XKR6: variants seen among roughly 807,000 people sequenced by gnomAD.
XKR6 encodes XK-related protein 6.
Under a neutral mutation model 56.7 loss-of-function variants are expected in XKR6, and 22 were observed. The observed-to-expected ratio is 0.39, with a 90% CI of 0.28 to 0.55. The LOEUF (loss-of-function observed/expected upper bound fraction) is 0.55, where lower values mean the gene tolerates loss of function less well. XKR6 is among the 20% of genes least tolerant of loss of function. XKR6 has a pLI of 0.66. For synonymous variants in XKR6, 524 were observed against 387.8 expected (o/e 1.35, Z -4.13); for missense variants, 852 against 889.0 (o/e 0.96, Z 0.53).
intron 1 of XKR6, among the ~76,000 whole-genome samples, chr8:11,125,065 G>A (rs1158598273): frequency 6.7e-6 from 1 of 149,478 alleles, no homozygotes; most frequent in African/African-American, 2.5e-5. Flanking sequence ...CTCCAGCATG[G>A]GCAACAGAGC....
At chr8:11,073,780 C>G (rs1013673571) in intron 1 of XKR6, among the ~76,000 whole-genome samples, 1 of 152,120 alleles carries the variant, frequency 6.6e-6, no homozygotes, top group Admixed American at 6.5e-5. Flanking sequence ...CTTTGGCAGA[C>G]AGAGAGGGGC....
intron 2 of XKR6, among the ~76,000 whole-genome samples, chr8:10,907,147 G>A (rs1387402456): frequency 1.3e-5 from 2 of 152,182 alleles, no homozygotes; most frequent in Non-Finnish European, 2.9e-5. Flanking sequence ...TGTGGCCGAG[G>A]AGATCAGGAA....
chr8:11,153,392 G>C (rs996363591), intron 1 of XKR6, among the ~76,000 whole-genome samples: 17 of 152,272 alleles, frequency 1.1e-4, no homozygotes, highest in African/African-American at 4.1e-4. Context: ...CAATAGGTTG[G>C]ATAACTTTAG....
rs559870652 is a variant in XKR6 at position 10,994,413 on chromosome 8, T to C, written c.765-69583A>G. On this transcript the variant is annotated intron_variant, in intron 1 of 2. Coordinates refer to ENST00000416569, the MANE Select transcript of XKR6 (RefSeq NM_173683.4). ...GCGCTGGAGGGCTTGGGCTTAGGTC[T>C]GTGGAGTTCCAGCTTCTCAAAATGC... 2.0e-5 allele frequency among the ~76,000 whole-genome samples: 3 copies of C among 152,346 alleles called. No individual in the cohort carries two copies. The South Asian group carries it at 6.2e-4, about 32-fold the overall frequency.
intron 2 of XKR6, among the ~76,000 whole-genome samples, chr8:10,911,284 G>T (rs1331428857): frequency 4.7e-5 from 7 of 147,924 alleles, no homozygotes; most frequent in African/African-American, 1.5e-4. Flanking sequence ...TAGAGAGAGG[G>T]TGAGATTGTA....
At chr8:11,122,379 A>G (rs751888430) in intron 1 of XKR6, among the ~76,000 whole-genome samples, 1 of 152,250 alleles carries the variant, frequency 6.6e-6, no homozygotes, top group African/African-American at 2.4e-5. Context: ...AACCAGAGAT[A>G]GAATACTTTA....
intron 1 of XKR6, among the ~76,000 whole-genome samples, chr8:11,165,109 T>G: frequency 7.0e-6 from 1 of 142,320 alleles, no homozygotes; most frequent in East Asian, 2.0e-4. Flanking sequence ...TTTTTTTTTT[T>G]TTTTTTTTGA....
chr8:10,913,013 G>C (rs963675801), intron 2 of XKR6, among the ~76,000 whole-genome samples: 3 of 147,612 alleles, frequency 2.0e-5, no homozygotes, highest in Admixed American at 6.7e-5. Context: ...TATATACAGA[G>C]AGAGAGGAGA....
chr8:10,992,380 T>C (rs1798013781), intron 1 of XKR6, among the ~76,000 whole-genome samples: 1 of 152,138 alleles, frequency 6.6e-6, no homozygotes, highest in African/African-American at 2.4e-5. Context: ...TGAAAGCCCA[T>C]CCCTCTGACT....
Position 10,988,583 on chromosome 8 carries a change from C to T in XKR6, c.765-63753G>A, listed in dbSNP as rs544433802. ...ATTCCATGCAAGGTCCACACAGAAA[C>T]GAGAGCTACTGAGGACCAGGACTGA... On this transcript the variant is annotated intron_variant, in intron 1 of 2. Coordinates refer to ENST00000416569, the MANE Select transcript of XKR6 (RefSeq NM_173683.4). Among the ~76,000 whole-genome samples the T allele has an allele frequency of 9.2e-5, 14 of 152,250 alleles. No individual in the cohort carries two copies. In the South Asian group the frequency reaches 1.7e-3, roughly 18 times the overall value.
At chr8:10,971,265 C>CA (rs1586373120) in intron 1 of XKR6, among the ~76,000 whole-genome samples, 2 of 151,498 alleles carry the variant, frequency 1.3e-5, no homozygotes, top group East Asian at 2.0e-4. Context: ...ACTAAAAATA[C>CA]AAAAAATTAG....
chr8:11,117,967 T>G (rs1389877587), intron 1 of XKR6, among the ~76,000 whole-genome samples: 1 of 151,660 alleles, frequency 6.6e-6, no homozygotes, highest in Admixed American at 6.6e-5. Context: ...ACCGAGAGTG[T>G]GGGGGACCAG....
intron 1 of XKR6, among the ~76,000 whole-genome samples, chr8:11,192,047 A>G (rs1803607957): frequency 6.6e-6 from 1 of 152,224 alleles, no homozygotes; most frequent in South Asian, 2.1e-4. Flanking sequence ...ACAACTGGCC[A>G]GGCACAGCGA....
intron 1 of XKR6, among the ~76,000 whole-genome samples, chr8:11,094,639 G>C (rs148287203): frequency 2.2e-4 from 33 of 152,292 alleles, no homozygotes; most frequent in Non-Finnish European, 3.8e-4. Flanking sequence ...ACTGGGGGCT[G>C]GTGGGACCGA....
chr8:10,994,316 C>A (rs1047530022), intron 1 of XKR6, among the ~76,000 whole-genome samples: 1 of 152,254 alleles, frequency 6.6e-6, no homozygotes, highest in African/African-American at 2.4e-5. Context: ...CCAGCTCCCC[C>A]AGCCTGGCTC....
At position 10,973,930 on chromosome 8, in the gene XKR6, T is replaced by G. The variant is rs1802478824; in HGVS notation, c.765-49100A>C. Among the ~76,000 whole-genome samples the G allele has an allele frequency of 2.0e-5, 3 of 152,234 alleles. No homozygotes were observed. In the South Asian group the frequency reaches 6.2e-4, roughly 31 times the overall value. Reference sequence around the variant, plus strand: ...GTCTGCTTCTTGTTAGCACAGTGCATAGATACTTTCTAAATGACTTCATTT... The same window carrying G: ...GTCTGCTTCTTGTTAGCACAGTGCAGAGATACTTTCTAAATGACTTCATTT... On this transcript the variant is annotated intron_variant, in intron 1 of 2. Coordinates refer to ENST00000416569, the MANE Select transcript of XKR6 (RefSeq NM_173683.4).
intron 1 of XKR6, chr8:11,111,739 T>C (rs1034072543): frequency 3.3e-5 from 5 of 152,162 alleles, no homozygotes; most frequent in Admixed American, 3.3e-4. Context: ...AATTATCTGT[T>C]ATTAGATATA....
chr8:10,986,769 G>A (rs1797872907), intron 1 of XKR6, among the ~76,000 whole-genome samples: 1 of 151,520 alleles, frequency 6.6e-6, no homozygotes, highest in African/African-American at 2.4e-5. Context: ...TTTTTCATAG[G>A]TTTTTATTGT....
intron 1 of XKR6, among the ~76,000 whole-genome samples, chr8:10,959,568 G>A (rs903743880): frequency 2.0e-5 from 3 of 152,112 alleles, no homozygotes; most frequent in Non-Finnish European, 2.9e-5. Context: ...TCACGTGGTG[G>A]AGAGAGGGAA....
Sources: allele counts gnomAD v4.1 joint callset (sites outside exome capture counted in the v4.1 genomes callset), GRCh38; gene constraint gnomAD v4.1.1; transcripts MANE v1.5; gene names NCBI Gene and HGNC (gene_info 2026-07-23, HGNC 2026-07-21).